Variants in NEGR1 observed in about 807,000 individuals in gnomAD.
The protein encoded by NEGR1 is neuronal growth regulator 1, also known as IgLON family member 4.
In NEGR1, 10 loss-of-function variants were observed where a neutral mutation model predicts 40.9. The ratio of observed to expected loss-of-function variants is 0.24; its 90% CI spans 0.15 to 0.42. NEGR1 has a LOEUF of 0.42. Ranked by LOEUF, NEGR1 falls within the 10% of genes least tolerant of loss-of-function variation. NEGR1 has a pLI of 1.00. For synonymous variants in NEGR1, 185 were observed against 166.8 expected (o/e 1.11, Z -0.84); for missense variants, 352 against 438.9 (o/e 0.80, Z 1.77).
At chr1:71,731,896 G>A (rs1654882911) in intron 3 of NEGR1, among the ~76,000 whole-genome samples, 1 of 152,162 alleles carries the variant, frequency 6.6e-6, no homozygotes, top group Non-Finnish European at 1.5e-5. Context: ...GTGAACAAAG[G>A]GGAGAGTCAA....
intron 5 of NEGR1, among the ~76,000 whole-genome samples, chr1:71,600,744 T>G (rs760201556): frequency 6.6e-6 from 1 of 152,196 alleles, no homozygotes; most frequent in Non-Finnish European, 1.5e-5. Flanking sequence ...CCACCCTCTG[T>G]TGTGAGGACT....
At chr1:72,219,273 C>T (rs77818179) in intron 1 of NEGR1, among the ~76,000 whole-genome samples, 3,416 of 151,896 alleles carry the variant, frequency 0.022, 143 homozygotes, top group African/African-American at 0.078. Flanking sequence ...TGACTTGTTG[C>T]CATCAATAAT....
chr1:71,796,095 T>G (rs931558587), intron 2 of NEGR1, among the ~76,000 whole-genome samples: 11 of 152,206 alleles, frequency 7.2e-5, no homozygotes, highest in Non-Finnish European at 1.5e-5. Context: ...AACATAGTTC[T>G]ATATTCTAAT....
chr1:71,794,298 A>G (rs1657236185), intron 2 of NEGR1: 1 of 152,174 alleles, frequency 6.6e-6, no homozygotes, highest in Non-Finnish European at 1.5e-5. Flanking sequence ...TGAAGAGTAA[A>G]GGACCAAGAG....
At chr1:71,568,105 C>T (rs1280671030) in intron 6 of NEGR1, among the ~76,000 whole-genome samples, 2 of 152,164 alleles carry the variant, frequency 1.3e-5, no homozygotes, top group South Asian at 2.1e-4. Context: ...GCATTACTCC[C>T]ATCTATTCAA....
At chr1:72,180,041 G>A (rs1044665761) in intron 1 of NEGR1, among the ~76,000 whole-genome samples, 3 of 151,926 alleles carry the variant, frequency 2.0e-5, no homozygotes, top group Non-Finnish European at 2.9e-5. Flanking sequence ...CCTAAAATTT[G>A]CATAGAACCG....
intron 4 of NEGR1, among the ~76,000 whole-genome samples, chr1:71,689,853 C>A: frequency 6.6e-6 from 1 of 150,758 alleles, no homozygotes; most frequent in Admixed American, 6.6e-5. Context: ...AATTAATTAA[C>A]ATTAAATAAA....
intron 1 of NEGR1, among the ~76,000 whole-genome samples, chr1:72,220,096 A>G (rs1653959624): frequency 6.6e-6 from 1 of 152,036 alleles, no homozygotes; most frequent in Admixed American, 6.6e-5. Context: ...CTACTGATTG[A>G]TTTTACTAAT....
chr1:72,176,497 C>T (rs532940408), intron 1 of NEGR1, among the ~76,000 whole-genome samples: 130 of 151,918 alleles, frequency 8.6e-4, no homozygotes, highest in South Asian at 7.1e-3. Context: ...TTATGAGGGT[C>T]CAGAGAAGGA....
At chr1:71,415,932 ATG>A (rs1368454468) in intron 6 of NEGR1, among the ~76,000 whole-genome samples, 1 of 151,968 alleles carries the variant, frequency 6.6e-6, no homozygotes, top group Non-Finnish European at 1.5e-5. Context: ...GGGTGTGTGT[ATG>A]TGTGTTTTAA....
chr1:71,783,887 A>T lies in NEGR1; in HGVS notation c.410-7590T>A, dbSNP rs570442558. Among the ~76,000 whole-genome samples the T allele has an allele frequency of 5.3e-5, 8 of 151,732 alleles. No homozygotes were observed. The South Asian group carries it at 1.7e-3, about 31-fold the overall frequency. On this transcript the variant is annotated intron_variant, in intron 2 of 6. Transcript: ENST00000357731. ...CCATCCATCCATCCAATAGACATTT[A>T]TTAAGCCCCATCTCAGGGTGACTAA...
At chr1:71,476,053 G>T (rs1442057086) in intron 6 of NEGR1, among the ~76,000 whole-genome samples, 1 of 151,980 alleles carries the variant, frequency 6.6e-6, no homozygotes, top group East Asian at 1.9e-4. Context: ...ATGGTTTTCT[G>T]ATGTGGGTTT....
At chr1:72,182,859 T>C (rs1487231766) in intron 1 of NEGR1, among the ~76,000 whole-genome samples, 2 of 116,536 alleles carry the variant, frequency 1.7e-5, no homozygotes, top group African/African-American at 3.2e-5. Context: ...AAAAGACCCA[T>C]CCCACAGGTT....
At chr1:72,280,272 T>C (rs1360794222) in intron 1 of NEGR1, among the ~76,000 whole-genome samples, 1 of 152,216 alleles carries the variant, frequency 6.6e-6, no homozygotes, top group East Asian at 1.9e-4. Flanking sequence ...TGGGTCCAGC[T>C]ATCTTCACTA....
intron 2 of NEGR1, among the ~76,000 whole-genome samples, chr1:71,814,366 A>G (rs1387733452): frequency 6.6e-6 from 1 of 151,958 alleles, no homozygotes; most frequent in Admixed American, 6.6e-5. Context: ...ATTTGTCTGA[A>G]GTTTTCTTTT....
At chr1:72,238,604 C>T in intron 1 of NEGR1, among the ~76,000 whole-genome samples, 1 of 151,830 alleles carries the variant, frequency 6.6e-6, no homozygotes, top group East Asian at 1.9e-4. Flanking sequence ...CCTCCTGAGG[C>T]ACCTTCAACC....
chr1:71,844,854 C>T (rs1659353076), intron 2 of NEGR1, among the ~76,000 whole-genome samples: 1 of 152,162 alleles, frequency 6.6e-6, no homozygotes, highest in African/African-American at 2.4e-5. Context: ...ATTGTCTTGT[C>T]TTCCTAGACA....
intron 4 of NEGR1, among the ~76,000 whole-genome samples, chr1:71,637,663 T>C (rs1422092270): frequency 6.6e-6 from 1 of 151,948 alleles, no homozygotes; most frequent in Non-Finnish European, 1.5e-5. Context: ...GGTTAATCAA[T>C]ATATACTATG....
Position 71,746,771 on chromosome 1 carries a change from C to T in NEGR1, c.535+29401G>A, listed in dbSNP as rs541576549. ...ACACACACACGCGTACACACACACA[C>T]GCACACACACACACACACACACAGA... On this transcript the variant is annotated intron_variant, in intron 3 of 6. Coordinates refer to ENST00000357731, the MANE Select transcript of NEGR1 (RefSeq NM_173808.3). Among the ~76,000 whole-genome samples, 686 of 145,758 alleles carry T rather than the reference C, an allele frequency of 4.7e-3. 2 individuals carry two copies. The highest frequency in any genetic ancestry group is 0.01 in the Middle Eastern group (3 of 294).
Sources: allele counts gnomAD v4.1 joint callset (sites outside exome capture counted in the v4.1 genomes callset), GRCh38; gene constraint gnomAD v4.1.1; transcripts MANE v1.5; gene names NCBI Gene and HGNC (gene_info 2026-07-23, HGNC 2026-07-21).